Variants in SDK2 observed in about 807,000 individuals in gnomAD.
SDK2 encodes protein sidekick-2.
SDK2 carries 105 observed loss-of-function variants against 253.9 expected under a neutral mutation model. That is an observed-to-expected ratio of 0.41 (90% CI 0.35 to 0.49). The LOEUF (loss-of-function observed/expected upper bound fraction) is 0.49, where lower values mean the gene tolerates loss of function less well. Ranked by LOEUF, SDK2 falls within the 20% of genes least tolerant of loss-of-function variation. The pLI is 0.06. For synonymous variants in SDK2, 1,249 were observed against 1,234.9 expected (o/e 1.01, Z -0.24); for missense variants, 2,608 against 3,003.0 (o/e 0.87, Z 3.07).
At chr17:73,488,078 C>T (rs555881115) in intron 2 of SDK2, among the ~76,000 whole-genome samples, 83 of 151,860 alleles carry the variant, frequency 5.5e-4, no homozygotes, top group African/African-American at 1.7e-3. Context: ...TGCAGTGGCG[C>T]GATCTCGGCT....
At position 73,391,004 on chromosome 17, in the gene SDK2, G is replaced by A. The variant is rs114251643; in HGVS notation, c.3997+436C>T. The stretch of plus-strand genomic sequence containing the variant: ...ACTTGCTCAAGTTCACGCAGCTGCC[G>A]ACCGGAACCCTGGGTGTGTGTATTG... On this transcript the variant is annotated intron_variant, in intron 28 of 44. Coordinates refer to ENST00000392650, the MANE Select transcript of SDK2 (RefSeq NM_001144952.2). 6.8e-3 allele frequency among the ~76,000 whole-genome samples: 1,039 copies of A among 152,304 alleles called. 9 individuals are homozygous for A. The highest frequency in any genetic ancestry group is 0.024 in the African/African-American group (995 of 41,568).
At chr17:73,539,818 G>C (rs1055055227) in intron 1 of SDK2, among the ~76,000 whole-genome samples, 1 of 152,230 alleles carries the variant, frequency 6.6e-6, no homozygotes, top group African/African-American at 2.4e-5. Context: ...GAGACACACG[G>C]GGGGAATGCC....
chr17:73,380,968 C>CTGGGCTTGGGGGGGGGGGGGGG lies in SDK2; in HGVS notation c.4706-19_4706-18insCCCCCCCCCCCCCCCAAGCCCA. The CTGGGCTTGGGGGGGGGGGGGGG allele has an allele frequency of 1.6e-6, 1 of 618,860 alleles. No individual in the cohort carries two copies. Among genetic ancestry groups the CTGGGCTTGGGGGGGGGGGGGGG allele is most frequent in the Non-Finnish European group, 2.8e-6 (1 of 353,938 alleles). 38.3% of individuals were successfully genotyped at this position (618,860 alleles called of 1,614,324 possible). On this transcript the variant is annotated intron_variant, in intron 33 of 44. Coordinates refer to ENST00000392650, the MANE Select transcript of SDK2 (RefSeq NM_001144952.2). ...GTACATGGCTATGGGGTGGGGGTGC[C>CTGGGCTTGGGGGGGGGGGGGGG]GGGGCGGGGGCGCAGAGGGAGACAG...
At chr17:73,547,462 T>C (rs1355765504) in intron 1 of SDK2, among the ~76,000 whole-genome samples, 1 of 152,226 alleles carries the variant, frequency 6.6e-6, no homozygotes, top group African/African-American at 2.4e-5. Context: ...CTCTCTGTGC[T>C]GCATGTACGT....
chr17:73,337,843 C>A lies in SDK2; in HGVS notation c.*744G>T, dbSNP rs75670077. 0.14 allele frequency: 21,988 copies of A among 152,346 alleles called. 1,844 individuals carry two copies. The highest frequency in any genetic ancestry group is 0.23 in the South Asian group (1,106 of 4,820). The allele number at this position is 152,346 out of a possible 1,614,324, so 9.4% of individuals were successfully genotyped here. A position where few individuals can be genotyped will look rare whatever the true frequency, so the allele number is the denominator to read the frequency against. The stretch of plus-strand genomic sequence containing the variant: ...CAGTTGTGGGGGGTTTCTCCCCTAC[C>A]CTTGGGCTCTCTTCCTTGGATTCAA... On this transcript the variant is annotated 3_prime_UTR_variant, in exon 45 of 45. Coordinates refer to ENST00000392650, the MANE Select transcript of SDK2 (RefSeq NM_001144952.2).
chr17:73,536,161 C>T (rs2044768862), intron 1 of SDK2, among the ~76,000 whole-genome samples: 1 of 152,186 alleles, frequency 6.6e-6, no homozygotes, highest in African/African-American at 2.4e-5. Context: ...CAGGGCCCCA[C>T]TCACAGCCTT....
At chr17:73,376,629 G>C (rs1379679541) in intron 36 of SDK2, among the ~76,000 whole-genome samples, 1 of 151,992 alleles carries the variant, frequency 6.6e-6, no homozygotes, top group African/African-American at 2.4e-5. Context: ...GCTGTATTCT[G>C]TATGGTGTTG....
chr17:73,572,899 G>A (rs112203447), intron 1 of SDK2, among the ~76,000 whole-genome samples: 56 of 152,224 alleles, frequency 3.7e-4, no homozygotes, highest in African/African-American at 1.2e-3. Context: ...GCCTCCCAGC[G>A]CCGTCAAACA....
rs1265278956 is a variant in SDK2 at position 73,395,740 on chromosome 17, C to G, written c.3355-348G>C. 6.6e-6 allele frequency among the ~76,000 whole-genome samples: 1 copy of G among 152,218 alleles called. No homozygotes were observed. Among genetic ancestry groups the G allele is most frequent in the Admixed American group, 6.5e-5 (1 of 15,280 alleles). ...TTGGCTCTGCTGTCTCTGCTGCTTACCTCTGTCACTCAGGCTGCCAGCACA... is the reference window on the plus strand; with the variant it reads ...TTGGCTCTGCTGTCTCTGCTGCTTAGCTCTGTCACTCAGGCTGCCAGCACA... On this transcript the variant is annotated intron_variant, in intron 24 of 44. Coordinates refer to ENST00000392650, the MANE Select transcript of SDK2 (RefSeq NM_001144952.2). This position sits in a 1 kb window ranked among gnomAD's most constrained non-coding sequence, Gnocchi z 4.3.
intron 28 of SDK2, among the ~76,000 whole-genome samples, chr17:73,390,971 G>A (rs979980150): frequency 6.6e-6 from 1 of 152,226 alleles, no homozygotes; most frequent in Non-Finnish European, 1.5e-5. Flanking sequence ...GGCCGCAGAG[G>A]GGAGTAGACT....
At position 73,368,487 on chromosome 17, in the gene SDK2, T is replaced by A; in HGVS notation, c.5087A>T (p.Tyr1696Phe). 6.2e-7 allele frequency: 1 copy of A among 1,610,698 alleles called. No homozygotes were observed. The highest frequency in any genetic ancestry group is 8.5e-7 in the Non-Finnish European group (1 of 1,178,742). ...KLKNLTGYTA[Y>F]MVSVAAFNAA... ...GTTGAAGGCGGCCACGCTGACCATG[T>A]AGGCCGTGTAGCCAGTCAAGTTCTT... Residue 1696 changes from tyrosine (Y) to phenylalanine (F), a missense_variant, in exon 37 of 45, where the codon TAC becomes TTC. This residue lies in a region of SDK2 where 1,103 missense variants were observed against 1,143.9 expected (regional missense o/e 0.96). Transcript: ENST00000392650.
intron 12 of SDK2, among the ~76,000 whole-genome samples, 189 bp from the exon 13 acceptor site, chr17:73,424,281 G>A (rs1219554650): frequency 2.6e-5 from 4 of 152,190 alleles, no homozygotes; most frequent in Non-Finnish European, 4.4e-5. Flanking sequence ...GAAGCCCATC[G>A]TTCCTGCGGG....
intron 43 of SDK2, 109 bp downstream of exon 43, chr17:73,350,128 G>C: frequency 1.3e-6 from 1 of 742,598 alleles, no homozygotes; most frequent in South Asian, 3.0e-5. Context: ...GTGTTTCCCA[G>C]GACAAGGTAT....
chr17:73,585,693 T>A (rs2045594366), intron 1 of SDK2, among the ~76,000 whole-genome samples: 1 of 151,960 alleles, frequency 6.6e-6, no homozygotes, highest in Admixed American at 6.6e-5. Context: ...CACCTTTGAG[T>A]CCAGGGGGAG....
intron 1 of SDK2, among the ~76,000 whole-genome samples, chr17:73,624,602 T>C (rs1207808355): frequency 6.6e-6 from 1 of 152,254 alleles, no homozygotes; most frequent in Non-Finnish European, 1.5e-5. Flanking sequence ...CAGAATTTAA[T>C]GTGCATGCCG....
Position 73,338,919 on chromosome 17 carries a change from C to G in SDK2, c.6187G>C (p.Val2063Leu). 1 of 1,614,014 alleles carries G rather than the reference C, an allele frequency of 6.2e-7. No individual in the cohort carries two copies. Among genetic ancestry groups the G allele is most frequent in the Non-Finnish European group, 8.5e-7 (1 of 1,179,892 alleles). Residue 2063 changes from valine (V) to leucine (L), a missense_variant, in exon 45 of 45, where the codon GTC becomes CTC. By Grantham distance (32) the Val-to-Leu change is conservative. Coordinates refer to ENST00000392650, the MANE Select transcript of SDK2 (RefSeq NM_001144952.2). This position sits in a 1 kb window ranked among gnomAD's most constrained non-coding sequence, Gnocchi z 5.0. ...TGGGCCTTCTGGTGGTTTGAGTCGA[C>G]CTCGTACTCGCTGTCACTTCCCTGG... ...DSQGSDSEYE[V>L]DSNHQKAHSF...
chr17:73,474,186 A>G (rs1260149325), intron 2 of SDK2, among the ~76,000 whole-genome samples: 2 of 152,154 alleles, frequency 1.3e-5, no homozygotes, highest in African/African-American at 4.8e-5. Context: ...CAAATTTTTA[A>G]ACTTAAATTT....
chr17:73,546,482 G>A (rs1051284801), intron 1 of SDK2, among the ~76,000 whole-genome samples: 1 of 152,260 alleles, frequency 6.6e-6, no homozygotes, highest in Non-Finnish European at 1.5e-5. Context: ...GAGAAGGGAA[G>A]GGCCCCCACC....
In SDK2 at chr17:73,443,109, C is replaced by T. The variant is rs1465353450; in HGVS notation, c.614-2186G>A. On this transcript the variant is annotated intron_variant, in intron 5 of 44. Coordinates refer to ENST00000392650, the MANE Select transcript of SDK2 (RefSeq NM_001144952.2). This position sits in a 1 kb window ranked among gnomAD's most constrained non-coding sequence, Gnocchi z 4.6. ...GGCCATGATGACATGCTGGGCCCTG[C>T]GGTGACAGTGACAGGCTGTTCTTTA... Among the ~76,000 whole-genome samples the T allele has an allele frequency of 4.6e-5, 7 of 152,098 alleles. No homozygotes were observed. The highest frequency in any genetic ancestry group is 8.8e-5 in the Non-Finnish European group (6 of 68,018).
Sources: gnomAD v4.1 joint callset for allele counts (sites outside exome capture counted in the v4.1 genomes callset) on GRCh38, gnomAD v4.1.1 for gene constraint, gnomAD v4.1.1 regional missense constraint, Gnocchi (gnomAD v3.1) non-coding constraint, MANE v1.5 for transcripts, NCBI Gene and HGNC (gene_info 2026-07-23, HGNC 2026-07-21) for gene names.